MACROD1: variants seen among roughly 807,000 people sequenced by gnomAD.
The protein encoded by MACROD1 is mono-ADP ribosylhydrolase 1.
Under a neutral mutation model 41.4 loss-of-function variants are expected in MACROD1, and 31 were observed. The ratio of observed to expected loss-of-function variants is 0.75; its 90% CI spans 0.56 to 1.01. The LOEUF is 1.01. Ranked by LOEUF, MACROD1 falls within the 50% of genes least tolerant of loss-of-function variation. MACROD1 has a pLI of 0.00. For synonymous variants in MACROD1, 252 were observed against 203.4 expected (o/e 1.24, Z -2.03); for missense variants, 473 against 460.0 (o/e 1.03, Z -0.26).
intron 3 of MACROD1, among the ~76,000 whole-genome samples, chr11:64,053,220 G>T (rs1419758989): frequency 6.6e-6 from 1 of 152,164 alleles, no homozygotes. Context: ...GTGGGGTGAG[G>T]CTCCCCTCTT....
intron 3 of MACROD1, among the ~76,000 whole-genome samples, chr11:64,131,183 A>G (rs1249078456): frequency 6.6e-6 from 1 of 152,164 alleles, no homozygotes; most frequent in African/African-American, 2.4e-5. Context: ...GCAGAGGGAA[A>G]TGGGGGCCAG....
At chr11:64,085,681 C>A (rs1243483099) in intron 3 of MACROD1, among the ~76,000 whole-genome samples, 1 of 152,170 alleles carries the variant, frequency 6.6e-6, no homozygotes, top group Admixed American at 6.5e-5. Context: ...GTGGGACGGT[C>A]ACCCACAGAC....
At chr11:64,145,174 C>T (rs376331335) in intron 3 of MACROD1, among the ~76,000 whole-genome samples, 1 of 152,200 alleles carries the variant, frequency 6.6e-6, no homozygotes, top group South Asian at 2.1e-4. Context: ...CACTTCATGA[C>T]TTATTTTAAA....
At position 64,123,247 on chromosome 11, in the gene MACROD1, G is replaced by A. The variant is rs542185182; in HGVS notation, c.517+27992C>T. 7.9e-5 allele frequency among the ~76,000 whole-genome samples: 12 copies of A among 152,340 alleles called. No individual in the cohort carries two copies. In the South Asian group the frequency reaches 1.4e-3, roughly 18 times the overall value. On this transcript the variant is annotated intron_variant, in intron 3 of 10. Transcript: ENST00000255681. ...CTCATACTCGATTGGCACAGGTGACGGTGGCTGCTGCCTGCCCCTGGATGG... is the reference window on the plus strand; with the variant it reads ...CTCATACTCGATTGGCACAGGTGACAGTGGCTGCTGCCTGCCCCTGGATGG...
chr11:64,116,417 C>T lies in MACROD1; in HGVS notation c.517+34822G>A, dbSNP rs751216485. 8 of 1,614,040 alleles carry T rather than the reference C, an allele frequency of 5.0e-6. No homozygotes were observed. The East Asian group carries it at 6.7e-5, about 13-fold the overall frequency. ...TCGCCTTCCTGACGGAGGTCATCGA[C>T]AGCACCACCTGCCCCTCGGTGTGCC... is the stretch of plus-strand genomic sequence containing the variant. On this transcript the variant is annotated intron_variant, in intron 3 of 10. Coordinates refer to ENST00000255681, the MANE Select transcript of MACROD1 (RefSeq NM_014067.4).
chr11:64,047,569 G>T (rs1344573494), intron 3 of MACROD1, among the ~76,000 whole-genome samples: 3 of 152,076 alleles, frequency 2.0e-5, no homozygotes, highest in African/African-American at 7.2e-5. Flanking sequence ...GTACTTAGAG[G>T]CTCCATTTTA....
chr11:64,008,707 C>T (rs753905570), intron 4 of MACROD1, among the ~76,000 whole-genome samples: 68 of 152,152 alleles, frequency 4.5e-4, no homozygotes, highest in Non-Finnish European at 7.9e-4. Context: ...TCAGGGCCGA[C>T]GGCATGGGGG....
chr11:64,061,530 C>G lies in MACROD1; in HGVS notation c.518-46249G>C, dbSNP rs576380432. Among the ~76,000 whole-genome samples the G allele has an allele frequency of 1.9e-3, 282 of 152,306 alleles. 3 individuals carry two copies. Among genetic ancestry groups the G allele is most frequent in the African/African-American group, 6.4e-3 (266 of 41,562 alleles). On this transcript the variant is annotated intron_variant, in intron 3 of 10. Transcript: ENST00000255681. The stretch of plus-strand genomic sequence containing the variant: ...CTCCCCGGCTCTGCACTGTGATCAC[C>G]GGTCTTGTTCACCATTCAGGGTTCT...
At chr11:64,087,698 T>C (rs1172432960) in intron 3 of MACROD1, among the ~76,000 whole-genome samples, 1 of 152,224 alleles carries the variant, frequency 6.6e-6, no homozygotes, top group Non-Finnish European at 1.5e-5. Flanking sequence ...GATCTCATGA[T>C]GCTGCATGCT....
At chr11:64,162,197 A>T (rs1242836165) in intron 1 of MACROD1, among the ~76,000 whole-genome samples, 1 of 152,222 alleles carries the variant, frequency 6.6e-6, no homozygotes, top group Non-Finnish European at 1.5e-5. Flanking sequence ...ACAAAAAATT[A>T]GCTAGGCGTG....
intron 3 of MACROD1, among the ~76,000 whole-genome samples, chr11:64,042,419 G>C (rs1193285615): frequency 6.6e-6 from 1 of 152,200 alleles, no homozygotes; most frequent in Non-Finnish European, 1.5e-5. Flanking sequence ...GAATGGGGGG[G>C]TGTGAAGGAA....
At position 64,117,629 on chromosome 11, in the gene MACROD1, G is replaced by A. The variant is rs1590934167; in HGVS notation, c.517+33610C>T. The A allele has an allele frequency of 8.7e-6, 14 of 1,613,786 alleles. No individual in the cohort carries two copies. Among genetic ancestry groups the A allele is most frequent in the African/African-American group, 2.7e-5 (2 of 75,072 alleles). On this transcript the variant is annotated intron_variant, in intron 3 of 10. Transcript: ENST00000255681. ...TGACGGCAGACTCCATCCGCATCAC[G>A]TGGAAGGCCACGCTCCCCGCCTCCT...
chr11:64,118,439 C>A, intron 3 of MACROD1: 1 of 988,256 alleles, frequency 1.0e-6, no homozygotes, highest in Non-Finnish European at 1.4e-6. Context: ...TTGGGGAGGG[C>A]TGACGATTTT....
At chr11:64,154,600 C>T (rs752825748) in intron 1 of MACROD1, among the ~76,000 whole-genome samples, 1 of 152,250 alleles carries the variant, frequency 6.6e-6, no homozygotes, top group Non-Finnish European at 1.5e-5. Context: ...TCCCACCTCA[C>T]TCCCAATGCT....
chr11:64,143,743 G>GACACACACAC (rs1355483787), intron 3 of MACROD1, among the ~76,000 whole-genome samples: 35 of 71,496 alleles, frequency 4.9e-4, no homozygotes, highest in African/African-American at 2.2e-3. Flanking sequence ...CCCCAACCCC[G>GACACACACAC]ACACACACAT....
chr11:64,079,648 C>T (rs1944269873), intron 3 of MACROD1, among the ~76,000 whole-genome samples: 1 of 152,116 alleles, frequency 6.6e-6, no homozygotes, highest in African/African-American at 2.4e-5. Flanking sequence ...GCCCCTCACT[C>T]AAAGCCTGTG....
Position 64,137,011 on chromosome 11 carries a change from T to C in MACROD1, c.517+14228A>G, listed in dbSNP as rs369893346. On this transcript the variant is annotated intron_variant, in intron 3 of 10. Transcript: ENST00000255681. ...TGAATTCATGCAGCCGCCTGTGTGA[T>C]TCCTAAGGCGAGACGAATCTCCAGG... 2.5e-4 allele frequency among the ~76,000 whole-genome samples: 38 copies of C among 152,350 alleles called. No homozygotes were observed. In the East Asian group the frequency reaches 2.9e-3, roughly 12 times the overall value.
chr11:64,099,560 GGATA>G (rs1944635059), intron 3 of MACROD1, among the ~76,000 whole-genome samples: 1 of 152,014 alleles, frequency 6.6e-6, no homozygotes, highest in African/African-American at 2.4e-5. Context: ...ATGGATGGAT[GGATA>G]GAGGTGAATA....
chr11:64,087,609 C>T (rs1455248309), intron 3 of MACROD1, among the ~76,000 whole-genome samples: 1 of 152,230 alleles, frequency 6.6e-6, no homozygotes, highest in Admixed American at 6.5e-5. Flanking sequence ...GCCTGCAAGG[C>T]TGGCCTTGCC....
Sources: allele counts gnomAD v4.1 joint callset (sites outside exome capture counted in the v4.1 genomes callset), GRCh38; gene constraint gnomAD v4.1.1; transcripts MANE v1.5; gene names NCBI Gene and HGNC (gene_info 2026-07-23, HGNC 2026-07-21).